The following ZBED6 variants were observed in gnomAD, a reference collection of about 807,000 sequenced individuals.
The protein encoded by ZBED6 is zinc finger BED-type containing 6.
In ZBED6, 40 loss-of-function variants were observed where a neutral mutation model predicts 58.4. The observed-to-expected ratio is 0.68, with a 90% CI of 0.53 to 0.89. ZBED6 has a LOEUF of 0.89. Ranked by LOEUF, ZBED6 falls within the 40% of genes least tolerant of loss-of-function variation. The pLI is 0.00. For missense variants in ZBED6, 1,057 were observed against 1,003.9 expected (o/e 1.05, Z -0.71); for synonymous variants, 439 against 350.6 (o/e 1.25, Z -2.82).
intron 1 of ZBED6, among the ~76,000 whole-genome samples, 170 bp from the exon 2 acceptor site, chr1:203,816,756 A>G (rs909152535): frequency 1.3e-5 from 2 of 152,190 alleles, no homozygotes; most frequent in African/African-American, 4.8e-5. Context: ...AAAATTTTAC[A>G]TTGTAGATGG....
At chr1:203,818,793 A>G in intron 3 of ZBED6, 104 bp downstream of exon 3, 1 of 1,537,432 alleles carries the variant, frequency 6.5e-7, no homozygotes, top group Non-Finnish European at 8.8e-7. Context: ...ATTAAGGCTG[A>G]GTGCAGTGGC....
At chr1:203,817,122 A>C (rs773296504) in exon 2 of ZBED6, 1 of 1,606,142 alleles carries the variant, frequency 6.2e-7, no homozygotes. Flanking sequence ...CACATGTACC[A>C]AAGTAAGAAT....
intron 1 of ZBED6, among the ~76,000 whole-genome samples, chr1:203,805,122 C>T (rs1358389410): frequency 1.3e-5 from 2 of 150,142 alleles, no homozygotes; most frequent in East Asian, 3.9e-4. Flanking sequence ...AATCAAAATA[C>T]CCACTTCTGA....
chr1:203,797,558 ACT>A lies in ZBED6; in HGVS notation c.42_43del (p.Pro15TrpfsTer8). 1.3e-6 allele frequency: 2 copies of A among 1,527,508 alleles called. No homozygotes were observed. The highest frequency in any genetic ancestry group is 2.4e-5 in the East Asian group (1 of 40,886). 94.6% of individuals were successfully genotyped at this position (1,527,508 alleles called of 1,614,324 possible). On this transcript the variant is annotated frameshift_variant, in exon 1 of 17. Coordinates refer to ENST00000550078, the Ensembl canonical transcript of ZBED6. LOFTEE classifies it high-confidence loss of function. ...GTACTCTAAGTGTACCAGTTTCTTC[ACT>A]CTCTCCTGGCAGAAGATGCAACACT...
At chr1:203,830,927 T>A (rs1682088429) in intron 7 of ZBED6, among the ~76,000 whole-genome samples, 1 of 42,308 alleles carries the variant, frequency 2.4e-5, no homozygotes, top group Admixed American at 2.2e-4. Flanking sequence ...AACCCCCAAT[T>A]TTTTTTTTTT....
At chr1:203,832,927 G>A (rs1041091312) in intron 8 of ZBED6, among the ~76,000 whole-genome samples, 1 of 152,134 alleles carries the variant, frequency 6.6e-6, no homozygotes, top group Non-Finnish European at 1.5e-5. Context: ...ATACTCGACT[G>A]CTATTAATAA....
At position 203,833,618 on chromosome 1, in the gene ZBED6, G is replaced by GTTTTT. The variant is rs553171669; in HGVS notation, c.*3511-159_*3511-155dup. ...GGCTGTTTATTATTAATAGGTTTGG[G>GTTTTT]TTTTTTTTTTTTTTTTTTGATATAA... On this transcript the variant is annotated intron_variant, in intron 8 of 16. Transcript: ENST00000550078. Among the ~76,000 whole-genome samples the GTTTTT allele has an allele frequency of 1.4e-3, 171 of 124,812 alleles. 4 individuals carry two copies. The highest frequency in any genetic ancestry group is 3.3e-3 in the African/African-American group (113 of 34,052). 81.9% of individuals were successfully genotyped at this position (124,812 alleles called of 152,430 possible).
chr1:203,835,778 C>G (rs776467172), intron 9 of ZBED6: 10 of 239,780 alleles, frequency 4.2e-5, no homozygotes, highest in Non-Finnish European at 4.7e-5. Flanking sequence ...AAGCACATCT[C>G]TTGCCCAAAT....
chr1:203,833,176 C>T lies in ZBED6; in HGVS notation c.*3511-615C>T, dbSNP rs530907966. On this transcript the variant is annotated intron_variant, in intron 8 of 16. Coordinates refer to ENST00000550078, the Ensembl canonical transcript of ZBED6. ...CAAGGTCAGAAATTCGAGACCAGCC[C>T]GACCAACGCGGTGAAACCTTGTCTC... 3.9e-5 allele frequency among the ~76,000 whole-genome samples: 6 copies of T among 152,076 alleles called. No homozygotes were observed. The East Asian group carries it at 5.8e-4, about 15-fold the overall frequency.
chr1:203,843,629 T>C (rs1324472547), intron 11 of ZBED6, among the ~76,000 whole-genome samples: 1 of 152,218 alleles, frequency 6.6e-6, no homozygotes, highest in Admixed American at 6.5e-5. Context: ...GTATGCAATA[T>C]GTAAATGAAT....
intron 9 of ZBED6, among the ~76,000 whole-genome samples, chr1:203,836,905 A>G (rs758852298): frequency 2.6e-5 from 4 of 152,376 alleles, no homozygotes; most frequent in Non-Finnish European, 5.9e-5. Flanking sequence ...GAGAGGGGTT[A>G]TGTGGCTCTT....
intron 10 of ZBED6, among the ~76,000 whole-genome samples, chr1:203,839,882 C>T (rs1685540140): frequency 6.6e-6 from 1 of 152,148 alleles, no homozygotes; most frequent in African/African-American, 2.4e-5. Context: ...CAGCTCACCC[C>T]AACCTCCACC....
At chr1:203,810,053 CTTTGT>C (rs1215135409) in intron 1 of ZBED6, among the ~76,000 whole-genome samples, 1 of 151,138 alleles carries the variant, frequency 6.6e-6, no homozygotes, top group African/African-American at 2.4e-5. Flanking sequence ...GGATGTGCAT[CTTTGT>C]TTTGTGTTTT....
At chr1:203,847,484 C>G in exon 12 of ZBED6, 12 of 1,613,876 alleles carry the variant, frequency 7.4e-6, no homozygotes, top group Non-Finnish European at 1.0e-5. Context: ...GTTTTGCCAC[C>G]CATTGTTGCC....
chr1:203,820,669 G>A (rs529902534), intron 3 of ZBED6, among the ~76,000 whole-genome samples: 18 of 152,042 alleles, frequency 1.2e-4, no homozygotes, highest in Admixed American at 3.3e-4. Flanking sequence ...TAGTAGACAC[G>A]AGGTTTCGCG....
intron 11 of ZBED6, among the ~76,000 whole-genome samples, chr1:203,841,046 C>CAAT (rs71281153): frequency 0.13 from 19,648 of 151,774 alleles, 1,421 homozygotes; most frequent in Non-Finnish European, 0.15. Flanking sequence ...TGCTGAACAA[C>CAAT]GATATGGAAA....
At chr1:203,800,647 A>G (rs1054167468) in exon 1 of ZBED6, 5 of 512,148 alleles carry the variant, frequency 9.8e-6, no homozygotes, top group African/African-American at 2.0e-5. Context: ...TTTCATAGCT[A>G]TAACTGTGGC....
chr1:203,837,400 A>G (rs1684693861), intron 9 of ZBED6, among the ~76,000 whole-genome samples: 1 of 150,514 alleles, frequency 6.6e-6, no homozygotes, highest in South Asian at 2.1e-4. Context: ...TTGTCAGTTA[A>G]TTTATTTGGT....
intron 1 of ZBED6, among the ~76,000 whole-genome samples, chr1:203,810,197 A>C (rs1459218858): frequency 1.3e-5 from 2 of 150,730 alleles, no homozygotes; most frequent in Admixed American, 1.3e-4. Flanking sequence ...GCTGTTCTTG[A>C]ACTCCTGGTC....
Sources: allele counts gnomAD v4.1 joint callset (sites outside exome capture counted in the v4.1 genomes callset), GRCh38; gene constraint gnomAD v4.1.1; transcripts MANE v1.5; gene names NCBI Gene and HGNC (gene_info 2026-07-23, HGNC 2026-07-21).